Variants in ZYG11B observed in about 807,000 individuals in gnomAD.
ZYG11B encodes zyg-11 family member B, cell cycle regulator.
ZYG11B carries 36 observed loss-of-function variants against 82.4 expected under a neutral mutation model. The observed-to-expected ratio is 0.44, with a 90% CI of 0.33 to 0.58. The LOEUF is 0.58. Among genes scored for constraint, ZYG11B ranks in the 20% least tolerant of loss-of-function variants. The probability of loss-of-function intolerance (pLI) is 0.02; values close to 1 mark genes in which losing one functional copy is unlikely to be tolerated. For missense variants in ZYG11B, 552 were observed against 895.6 expected (o/e 0.62, Z 4.90); for synonymous variants, 303 against 312.8 (o/e 0.97, Z 0.33).
rs544573848 is a variant in ZYG11B, at chr1:52,772,079, C to T, written c.951+305C>T. 66 of 767,210 alleles carry T rather than the reference C, an allele frequency of 8.6e-5. No individual in the cohort carries two copies. The African/African-American group carries it at 1.1e-3, about 13-fold the overall frequency. 47.5% of individuals were successfully genotyped at this position (767,210 alleles called of 1,614,324 possible). A position where few individuals can be genotyped will look rare whatever the true frequency, so the allele number is the denominator to read the frequency against. ...AGGTCCTGGCTAAACAATAGGTTGT[C>T]TTATGATGATAATGTTTAGCTATTT... On this transcript the variant is annotated intron_variant, in intron 3 of 13. Coordinates refer to ENST00000294353, the MANE Select transcript of ZYG11B (RefSeq NM_024646.3).
intron 3 of ZYG11B, among the ~76,000 whole-genome samples, chr1:52,776,808 T>A (rs1458587737): frequency 6.6e-6 from 1 of 152,158 alleles, no homozygotes; most frequent in Non-Finnish European, 1.5e-5. Flanking sequence ...ACTGAACACT[T>A]TGAAAAATTT....
chr1:52,759,688 A>G (rs1644611004), intron 2 of ZYG11B, among the ~76,000 whole-genome samples: 1 of 152,222 alleles, frequency 6.6e-6, no homozygotes, highest in South Asian at 2.1e-4. Context: ...AAGATTTGAT[A>G]CTACTGAGAA....
chr1:52,729,748 G>A (rs1644314448), intron 1 of ZYG11B, among the ~76,000 whole-genome samples: 1 of 152,146 alleles, frequency 6.6e-6, no homozygotes, highest in South Asian at 2.1e-4. Context: ...GCTGAGGTAG[G>A]AGAATCACTT....
chr1:52,732,093 G>A (rs1232190055), intron 1 of ZYG11B, among the ~76,000 whole-genome samples: 2 of 152,178 alleles, frequency 1.3e-5, no homozygotes, highest in Non-Finnish European at 2.9e-5. Context: ...CTGAGCCATC[G>A]TGCCCAGCCT....
intron 1 of ZYG11B, among the ~76,000 whole-genome samples, chr1:52,728,502 C>G (rs1307902149): frequency 6.6e-6 from 1 of 152,224 alleles, no homozygotes; most frequent in Non-Finnish European, 1.5e-5. Flanking sequence ...AAGCCATCCT[C>G]CCACCTTGGC....
At chr1:52,780,047 G>A in intron 4 of ZYG11B, 54 bp downstream of exon 4, 10 of 1,530,558 alleles carry the variant, frequency 6.5e-6, no homozygotes, top group Middle Eastern at 1.8e-4. Context: ...CTGGGCAGAT[G>A]ATTTTTTGAA....
At chr1:52,794,115 T>C (rs1644986520) in intron 6 of ZYG11B, among the ~76,000 whole-genome samples, 1 of 151,818 alleles carries the variant, frequency 6.6e-6, no homozygotes, top group African/African-American at 2.4e-5. Context: ...GCTGAGACTA[T>C]AGGCGCGCAC....
At chr1:52,737,026 G>A (rs1041607265) in intron 1 of ZYG11B, among the ~76,000 whole-genome samples, 1 of 151,164 alleles carries the variant, frequency 6.6e-6, no homozygotes, top group Non-Finnish European at 1.5e-5. Flanking sequence ...GCTGTTTTTT[G>A]TGCCTCTAAG....
intron 2 of ZYG11B, among the ~76,000 whole-genome samples, chr1:52,770,497 G>A (rs921027294): frequency 6.6e-6 from 1 of 152,112 alleles, no homozygotes; most frequent in Non-Finnish European, 1.5e-5. Flanking sequence ...CTCACTTGTG[G>A]TACATAAACT....
intron 6 of ZYG11B, among the ~76,000 whole-genome samples, chr1:52,790,363 T>TA (rs143226293): frequency 6.6e-6 from 1 of 152,076 alleles, no homozygotes; most frequent in South Asian, 2.1e-4. Context: ...ATTCAAAAGA[T>TA]AAAAAAACTA....
At chr1:52,776,248 A>ATATATATATATATATATATATATATAT (rs1425431576) in intron 3 of ZYG11B, among the ~76,000 whole-genome samples, 63 of 94,724 alleles carry the variant, frequency 6.7e-4, no homozygotes, top group Non-Finnish European at 1.2e-3. Context: ...ATATATATGC[A>ATATATATATATATATATATATATATAT]ATAAAGTTGG....
intron 10 of ZYG11B, among the ~76,000 whole-genome samples, chr1:52,806,990 T>C (rs936794207): frequency 2.8e-4 from 43 of 152,134 alleles, no homozygotes; most frequent in Non-Finnish European, 5.4e-4. Context: ...TGCCTCAGCC[T>C]CCCCAGTAGC....
intron 4 of ZYG11B, among the ~76,000 whole-genome samples, chr1:52,780,750 G>A (rs1242999671): frequency 6.6e-6 from 1 of 152,186 alleles, no homozygotes; most frequent in Non-Finnish European, 1.5e-5. Context: ...GACTACAGGT[G>A]TGTACATCAC....
intron 1 of ZYG11B, among the ~76,000 whole-genome samples, chr1:52,752,452 C>T (rs1473487333): frequency 6.6e-6 from 1 of 152,186 alleles, no homozygotes; most frequent in Non-Finnish European, 1.5e-5. Flanking sequence ...TGCATTATTA[C>T]ATATGCATGA....
intron 1 of ZYG11B, among the ~76,000 whole-genome samples, chr1:52,732,976 CA>C (rs528513806): frequency 4.4e-4 from 62 of 142,082 alleles, no homozygotes; most frequent in East Asian, 6.1e-4. Flanking sequence ...AACTCCATCT[CA>C]AAAAAAAAAA....
chr1:52,744,117 A>C (rs537188688), intron 1 of ZYG11B, among the ~76,000 whole-genome samples: 2 of 152,100 alleles, frequency 1.3e-5, no homozygotes, highest in African/African-American at 4.8e-5. Flanking sequence ...TTTTATTTTT[A>C]GTAGAGATGG....
rs1163160464 is a variant in ZYG11B at position 52,821,638 on chromosome 1, A to G, written c.*9A>G. ...AAGCCAGACTAAATTGATAGCCATAAGTATTGGATAGTTGAATCACAGGAA... is the reference window on the plus strand; with the variant it reads ...AAGCCAGACTAAATTGATAGCCATAGGTATTGGATAGTTGAATCACAGGAA... On this transcript the variant is annotated 3_prime_UTR_variant, in exon 14 of 14. Transcript: ENST00000294353. 1.3e-6 allele frequency: 2 copies of G among 1,597,348 alleles called. No homozygotes were observed. The highest frequency in any genetic ancestry group is 1.7e-6 in the Non-Finnish European group (2 of 1,170,958).
At chr1:52,774,220 G>T (rs1249947703) in intron 3 of ZYG11B, among the ~76,000 whole-genome samples, 1 of 151,438 alleles carries the variant, frequency 6.6e-6, no homozygotes, top group Admixed American at 6.6e-5. Context: ...GCTCACTGCA[G>T]CCTCTACCTC....
intron 3 of ZYG11B, among the ~76,000 whole-genome samples, chr1:52,776,214 T>G (rs189345015): frequency 0.042 from 305 of 7,284 alleles, 4 homozygotes; most frequent in African/African-American, 0.088. Context: ...AGCAAAACTC[T>G]GTCTTAAAAA....
Sources: gnomAD v4.1 joint callset for allele counts (sites outside exome capture counted in the v4.1 genomes callset) on GRCh38, gnomAD v4.1.1 for gene constraint, MANE v1.5 for transcripts, NCBI Gene and HGNC (gene_info 2026-07-23, HGNC 2026-07-21) for gene names.